LRRC4C: variants seen among roughly 807,000 people sequenced by gnomAD.
LRRC4C encodes leucine rich repeat containing 4C, also known as leucine-rich repeat-containing protein 4C.
In LRRC4C, 5 loss-of-function variants were observed where a neutral mutation model predicts 33.6. The observed-to-expected ratio is 0.15, with a 90% confidence interval of 0.08 to 0.31. The LOEUF (loss-of-function observed/expected upper bound fraction) is 0.31, where lower values mean the gene tolerates loss of function less well. LRRC4C is among the 10% of genes least tolerant of loss of function. LRRC4C has a pLI of 1.00. For missense variants in LRRC4C, 560 were observed against 796.7 expected (o/e 0.70, Z 3.58); for synonymous variants, 329 against 302.0 (o/e 1.09, Z -0.93).
intron 3 of LRRC4C, among the ~76,000 whole-genome samples, chr11:40,332,656 T>G (rs1486389618): frequency 6.6e-6 from 1 of 152,242 alleles, no homozygotes; most frequent in African/African-American, 2.4e-5. Context: ...TCCCTGTGTC[T>G]TATTCTTTCC....
In LRRC4C at chr11:40,360,793, CA is replaced by C. The variant is rs1298171663; in HGVS notation, c.-269-41073del. On this transcript the variant is annotated intron_variant, in intron 3 of 6. Coordinates refer to ENST00000528697, the MANE Select transcript of LRRC4C (RefSeq NM_001258419.2). ...ATATCAAAACCTGGCAGAAACACAA[CA>C]AAAAAAGAAAAGTTGAGGCCAATAT... 1.5e-4 allele frequency among the ~76,000 whole-genome samples: 23 copies of C among 152,052 alleles called. 1 individual carries two copies. In the East Asian group the frequency reaches 2.7e-3, roughly 18 times the overall value.
At chr11:40,487,248 G>C (rs951918353) in intron 3 of LRRC4C, among the ~76,000 whole-genome samples, 6 of 152,034 alleles carry the variant, frequency 3.9e-5, no homozygotes, top group Non-Finnish European at 5.9e-5. Flanking sequence ...ACTGGAATTT[G>C]AGGCTTCTGT....
At chr11:40,950,700 A>G (rs558183376) in intron 1 of LRRC4C, among the ~76,000 whole-genome samples, 1 of 152,174 alleles carries the variant, frequency 6.6e-6, no homozygotes, top group South Asian at 2.1e-4. Context: ...ATAATACTTA[A>G]TTGTGTCTTA....
chr11:40,524,972 T>C (rs1955978787), intron 3 of LRRC4C, among the ~76,000 whole-genome samples: 1 of 152,144 alleles, frequency 6.6e-6, no homozygotes, highest in South Asian at 2.1e-4. Context: ...AAGGCATCCC[T>C]CAGGATATAT....
intron 3 of LRRC4C, among the ~76,000 whole-genome samples, chr11:40,383,825 C>T (rs1196776123): frequency 6.6e-6 from 1 of 151,776 alleles, no homozygotes; most frequent in Non-Finnish European, 1.5e-5. Flanking sequence ...GCTGGGAACA[C>T]AGGCATGCAA....
At chr11:41,370,212 A>G (rs575983174) in intron 1 of LRRC4C, among the ~76,000 whole-genome samples, 43 of 152,092 alleles carry the variant, frequency 2.8e-4, no homozygotes, top group African/African-American at 9.9e-4. Context: ...ATAGGGTCTC[A>G]CTCTATCACC....
chr11:41,321,064 T>C (rs1299024247), intron 1 of LRRC4C, among the ~76,000 whole-genome samples: 3 of 152,246 alleles, frequency 2.0e-5, no homozygotes, highest in Admixed American at 2.0e-4. Context: ...CTTCTTCTGC[T>C]GTGAGTTGGA....
intron 3 of LRRC4C, among the ~76,000 whole-genome samples, chr11:40,509,792 T>C (rs1002512281): frequency 1.3e-5 from 2 of 152,198 alleles, no homozygotes; most frequent in Admixed American, 6.5e-5. Context: ...TAATATAACA[T>C]AGGCAACTAT....
intron 3 of LRRC4C, among the ~76,000 whole-genome samples, chr11:40,531,951 C>T (rs1418307689): frequency 6.7e-6 from 1 of 148,750 alleles, no homozygotes; most frequent in African/African-American, 2.5e-5. Flanking sequence ...CGTAACTGTG[C>T]TTGGGATTTT....
At chr11:40,245,142 C>T (rs988584791) in intron 4 of LRRC4C, among the ~76,000 whole-genome samples, 8 of 152,142 alleles carry the variant, frequency 5.3e-5, no homozygotes, top group African/African-American at 1.4e-4. Context: ...TCAGTCTTGG[C>T]CATTTCCTGA....
At chr11:40,333,087 T>C (rs1402949204) in intron 3 of LRRC4C, among the ~76,000 whole-genome samples, 1 of 152,206 alleles carries the variant, frequency 6.6e-6, no homozygotes. Flanking sequence ...TGAGGTGTTG[T>C]GGATATTAAA....
In LRRC4C at chr11:41,115,526, G is replaced by A. The variant is rs539025363; in HGVS notation, c.-495-181803C>T. Among the ~76,000 whole-genome samples the A allele has an allele frequency of 8.6e-5, 13 of 151,980 alleles. 1 individual carries two copies. The East Asian group carries it at 2.5e-3, about 29-fold the overall frequency. ...CTAAAACACACATTGAAGAAGGAAG[G>A]CAATATAAATAAGCCTTAAAAACCT... On this transcript the variant is annotated intron_variant, in intron 1 of 6. Transcript: ENST00000528697.
intron 2 of LRRC4C, among the ~76,000 whole-genome samples, chr11:40,670,506 T>C (rs1373128246): frequency 6.6e-6 from 1 of 152,228 alleles, no homozygotes; most frequent in Admixed American, 6.5e-5. Flanking sequence ...GCCTAAAATA[T>C]GGACTTTCCA....
intron 5 of LRRC4C, among the ~76,000 whole-genome samples, chr11:40,158,651 G>T (rs973017585): frequency 6.6e-6 from 1 of 151,658 alleles, no homozygotes; most frequent in Non-Finnish European, 1.5e-5. Flanking sequence ...TTGCTCTCTG[G>T]CTCTGGATTA....
chr11:40,962,848 G>T (rs1381680503), intron 1 of LRRC4C, among the ~76,000 whole-genome samples: 1 of 151,714 alleles, frequency 6.6e-6, no homozygotes, highest in African/African-American at 2.4e-5. Context: ...TAAGATGGAA[G>T]CTGGGAATAG....
At chr11:41,248,946 T>A (rs80046055) in intron 1 of LRRC4C, among the ~76,000 whole-genome samples, 1,606 of 152,280 alleles carry the variant, frequency 0.011, 22 homozygotes, top group African/African-American at 0.036. Context: ...AATCTATCAG[T>A]AAATACTATT....
At chr11:40,676,605 C>T (rs1944416926) in intron 2 of LRRC4C, among the ~76,000 whole-genome samples, 1 of 152,168 alleles carries the variant, frequency 6.6e-6, no homozygotes, top group Non-Finnish European at 1.5e-5. Flanking sequence ...ATAAATTTTT[C>T]CTTTGCTCCA....
At chr11:41,120,123 G>A (rs568021684) in intron 1 of LRRC4C, among the ~76,000 whole-genome samples, 2 of 152,144 alleles carry the variant, frequency 1.3e-5, no homozygotes, top group East Asian at 1.9e-4. Context: ...TTTCACAATT[G>A]AAGGAAGAGG....
chr11:41,117,800 TATTA>T (rs1296108259), intron 1 of LRRC4C, among the ~76,000 whole-genome samples: 2 of 152,162 alleles, frequency 1.3e-5, no homozygotes, highest in African/African-American at 4.8e-5. Context: ...GAAATTTCAT[TATTA>T]ATTAGTATTT....
Sources: allele counts gnomAD v4.1 joint callset (sites outside exome capture counted in the v4.1 genomes callset), GRCh38; gene constraint gnomAD v4.1.1; transcripts MANE v1.5; gene names NCBI Gene and HGNC (gene_info 2026-07-23, HGNC 2026-07-21).